RYR2: variants seen among roughly 807,000 people sequenced by gnomAD.
The protein encoded by RYR2 is cardiac muscle ryanodine receptor-calcium release channel.
Under a neutral mutation model 601.1 loss-of-function variants are expected in RYR2, and 227 were observed. The ratio of observed to expected loss-of-function variants is 0.38; its 90% confidence interval spans 0.34 to 0.42. RYR2 has a LOEUF of 0.42. Ranked by LOEUF, RYR2 falls within the 10% of genes least tolerant of loss-of-function variation. The pLI is 1.00. For missense variants in RYR2, 4,646 were observed against 6,156.5 expected, an observed-to-expected ratio of 0.75 and a Z score of 8.21; for synonymous variants, 2,223 against 2,175.1, an observed-to-expected ratio of 1.02 and a Z score of -0.61.
At chr1:237,634,781 C>A in intron 43 of RYR2, 108 bp from the exon 44 acceptor site, 2 of 768,946 alleles carry the variant, frequency 2.6e-6, no homozygotes, top group Non-Finnish European at 4.4e-6. Context: ...GATTAATACA[C>A]TATGGATGGT....
intron 13 of RYR2, 93 bp downstream of exon 13, chr1:237,441,576 C>T: frequency 9.0e-6 from 11 of 1,216,330 alleles, no homozygotes; most frequent in Non-Finnish European, 1.1e-5. Context: ...TTTTTAGTCA[C>T]CTGCAAAAGT....
At position 237,828,464 on chromosome 1, in the gene RYR2, G is replaced by T; in HGVS notation, c.14655+19G>T. 1 of 1,528,320 alleles carries T rather than the reference G, an allele frequency of 6.5e-7. No individual in the cohort carries two copies. 94.7% of individuals were successfully genotyped at this position (1,528,320 alleles called of 1,614,324 possible). Reference sequence around the variant, plus strand: ...CATGGAGGTAAGCTTCTCCATTCATGACTCAGCTTCTTTGTTGTCCTGGGC... The same window carrying T: ...CATGGAGGTAAGCTTCTCCATTCATTACTCAGCTTCTTTGTTGTCCTGGGC... On this transcript the variant is annotated intron_variant, in intron 102 of 104. Coordinates refer to ENST00000366574, the MANE Select transcript of RYR2 (RefSeq NM_001035.3).
intron 29 of RYR2, among the ~76,000 whole-genome samples, chr1:237,589,423 T>A (rs1048295469): frequency 2.0e-5 from 3 of 152,146 alleles, no homozygotes; most frequent in African/African-American, 7.2e-5. Flanking sequence ...ACTTAGTTCC[T>A]TCTTACTTTC....
rs556611176 is a variant in RYR2 at position 237,580,665 on chromosome 1, C to G, written c.3599-9128C>G. On this transcript the variant is annotated intron_variant, in intron 29 of 104. Transcript: ENST00000366574. ...GTGTCTCCATTCTACCTGTTATGGA[C>G]TGAGTTGCATAGCTCTAACCCTCAA... 7.2e-5 allele frequency among the ~76,000 whole-genome samples: 11 copies of G among 152,278 alleles called. No homozygotes were observed. In the South Asian group the frequency reaches 2.3e-3, roughly 32 times the overall value.
chr1:237,572,137 C>T lies in RYR2; in HGVS notation c.3598+2818C>T, dbSNP rs967418876. Among the ~76,000 whole-genome samples the T allele has an allele frequency of 2.3e-4, 35 of 152,148 alleles. 2 individuals are homozygous for T. The highest frequency in any genetic ancestry group is 4.1e-4 in the South Asian group (2 of 4,834). On this transcript the variant is annotated intron_variant, in intron 29 of 104. Coordinates refer to ENST00000366574, the MANE Select transcript of RYR2 (RefSeq NM_001035.3). ...AGTGCTCTAACCCTCCCCTACCTGT[C>T]TCCCTTTCTCTGATATTGGTTTTAG...
At position 237,688,075 on chromosome 1, in the gene RYR2, G is replaced by A. The variant is rs1343110493; in HGVS notation, c.9067+571G>A. 4.6e-5 allele frequency among the ~76,000 whole-genome samples: 7 copies of A among 152,296 alleles called. No homozygotes were observed. In the East Asian group the frequency reaches 1.4e-3, roughly 29 times the overall value. ...GTTTCTGAGAATTCACCTAGCTGGA[G>A]TCCATGTTCCAGAGCACCTGCTTCC... is the stretch of plus-strand genomic sequence containing the variant. On this transcript the variant is annotated intron_variant, in intron 63 of 104. Coordinates refer to ENST00000366574, the MANE Select transcript of RYR2 (RefSeq NM_001035.3).
intron 2 of RYR2, among the ~76,000 whole-genome samples, chr1:237,271,826 G>A (rs1689710086): frequency 6.6e-6 from 1 of 152,032 alleles, no homozygotes; most frequent in Admixed American, 6.6e-5. Flanking sequence ...AAGCCTGGTG[G>A]GCCAATGTGA....
At chr1:237,816,652 G>T (rs1055258518) in intron 100 of RYR2, among the ~76,000 whole-genome samples, 1 of 150,862 alleles carries the variant, frequency 6.6e-6, no homozygotes, top group Non-Finnish European at 1.5e-5. Flanking sequence ...ATGCACCATT[G>T]TACTCTAGCC....
At chr1:237,172,501 T>A (rs1221529233) in intron 1 of RYR2, among the ~76,000 whole-genome samples, 2 of 148,586 alleles carry the variant, frequency 1.3e-5, no homozygotes, top group African/African-American at 5.1e-5. Context: ...CCTGTTTGAT[T>A]TTTTTTTTTA....
At chr1:237,314,734 C>T (rs957854998) in intron 2 of RYR2, among the ~76,000 whole-genome samples, 3 of 152,156 alleles carry the variant, frequency 2.0e-5, no homozygotes, top group Non-Finnish European at 2.9e-5. Context: ...GCTTGCTCCT[C>T]ACTTGTCTTT....
chr1:237,209,497 A>ATGTGTGTGTGTGTGTGTGTG (rs55861841), intron 1 of RYR2, among the ~76,000 whole-genome samples: 15,448 of 143,178 alleles, frequency 0.11, 1,073 homozygotes, highest in East Asian at 0.3. Context: ...ATCTGCATAT[A>ATGTGTGTGTGTGTGTGTGTG]TGTGTGTGTG....
At chr1:237,188,612 C>A (rs561519522) in intron 1 of RYR2, among the ~76,000 whole-genome samples, 6 of 152,176 alleles carry the variant, frequency 3.9e-5, no homozygotes, top group African/African-American at 1.4e-4. Flanking sequence ...GTTGCCCAGG[C>A]TGGAGTGCAG....
chr1:237,481,279 A>T (rs947288245), intron 17 of RYR2, among the ~76,000 whole-genome samples: 1 of 152,030 alleles, frequency 6.6e-6, no homozygotes, highest in Non-Finnish European at 1.5e-5. Context: ...CTTTCTGATT[A>T]TATGTAAAGA....
chr1:237,127,260 C>T (rs547850075), intron 1 of RYR2, among the ~76,000 whole-genome samples: 11 of 152,238 alleles, frequency 7.2e-5, no homozygotes, highest in South Asian at 6.2e-4. Context: ...TCCACAAAGC[C>T]GCCATTGTCA....
Position 237,651,484 on chromosome 1 carries a change from G to A in RYR2, c.7807G>A (p.Ala2603Thr), listed in dbSNP as rs59331340. ...VFDVPLLNEHAKMPLKLLTNH... is the reference protein window; with the variant it reads ...VFDVPLLNEHTKMPLKLLTNH... The stretch of plus-strand genomic sequence containing the variant: ...TGATGTTCCATTATTAAATGAACAC[G>A]CAAAGATGCCTCTTAAAGTAAGTAT... Residue 2603 changes from alanine to threonine, a missense_variant, in exon 51 of 105, where the codon GCA becomes ACA. Physicochemically the swap from Ala to Thr is moderately conservative, Grantham distance 58. Transcript: ENST00000366574. 63 of 1,565,632 alleles carry A rather than the reference G, an allele frequency of 4.0e-5. No homozygotes were observed. The East Asian group carries it at 4.9e-4, about 12-fold the overall frequency.
chr1:237,208,387 A>G (rs909086672), intron 1 of RYR2, among the ~76,000 whole-genome samples: 1 of 152,166 alleles, frequency 6.6e-6, no homozygotes, highest in Non-Finnish European at 1.5e-5. Flanking sequence ...GAAGCATTCT[A>G]TAGTCTACAT....
intron 21 of RYR2, among the ~76,000 whole-genome samples, chr1:237,502,946 CT>C (rs1664821999): frequency 6.6e-6 from 1 of 151,942 alleles, no homozygotes; most frequent in Admixed American, 6.6e-5. Flanking sequence ...TCTTTCGGTA[CT>C]TTGGGACTTT....
At chr1:237,108,452 A>G (rs1669011510) in intron 1 of RYR2, among the ~76,000 whole-genome samples, 1 of 152,228 alleles carries the variant, frequency 6.6e-6, no homozygotes, top group East Asian at 1.9e-4. Context: ...AATGAGGCTG[A>G]TGTACCGCAG....
At chr1:237,816,165 G>A (rs960605791) in intron 100 of RYR2, among the ~76,000 whole-genome samples, 26 of 152,252 alleles carry the variant, frequency 1.7e-4, no homozygotes, top group Non-Finnish European at 3.1e-4. Context: ...CAAGAGACCA[G>A]AACTTGACAT....
Sources: gnomAD v4.1 joint callset for allele counts (sites outside exome capture counted in the v4.1 genomes callset) on GRCh38, gnomAD v4.1.1 for gene constraint, MANE v1.5 for transcripts, NCBI Gene and HGNC (gene_info 2026-07-23, HGNC 2026-07-21) for gene names.